Variants in SWAP70 observed in about 807,000 individuals in gnomAD.
The protein encoded by SWAP70 is switch-associated protein 70.
SWAP70 carries 34 observed loss-of-function variants against 80.2 expected under a neutral mutation model. That is an observed-to-expected ratio of 0.42 (90% confidence interval 0.32 to 0.56). The LOEUF is 0.56. SWAP70 is among the 20% of genes least tolerant of loss of function. SWAP70 has a pLI of 0.09. For synonymous variants in SWAP70, 239 were observed against 238.5 expected (o/e 1.00, Z -0.02); for missense variants, 578 against 690.7 (o/e 0.84, Z 1.83).
chr11:9,690,551 C>CA (rs1286285575), intron 1 of SWAP70, among the ~76,000 whole-genome samples: 2 of 151,998 alleles, frequency 1.3e-5, no homozygotes, highest in Non-Finnish European at 2.9e-5. Context: ...GCCTGGGTGA[C>CA]AGAGTGAGAC....
chr11:9,722,273 T>G (rs780069376), intron 3 of SWAP70, among the ~76,000 whole-genome samples: 14 of 152,222 alleles, frequency 9.2e-5, no homozygotes, highest in Non-Finnish European at 1.5e-4. Context: ...AAACATTAGT[T>G]GAGCTCTGAG....
intron 3 of SWAP70, among the ~76,000 whole-genome samples, chr11:9,717,985 C>T (rs1851087360): frequency 6.6e-6 from 1 of 152,218 alleles, no homozygotes; most frequent in Non-Finnish European, 1.5e-5. Context: ...GCCTAAGAAA[C>T]TCAAAAGATT....
chr11:9,713,181 A>T (rs774012050), intron 2 of SWAP70, among the ~76,000 whole-genome samples: 1 of 152,232 alleles, frequency 6.6e-6, no homozygotes, highest in African/African-American at 2.4e-5. Context: ...GTTTATTAAT[A>T]GGAAGATAGT....
chr11:9,691,855 A>G (rs985545398), intron 1 of SWAP70, among the ~76,000 whole-genome samples: 3 of 152,094 alleles, frequency 2.0e-5, no homozygotes, highest in African/African-American at 7.2e-5. Flanking sequence ...TGGGTATGGG[A>G]GAGATGGTGT....
intron 9 of SWAP70, among the ~76,000 whole-genome samples, chr11:9,744,240 G>C (rs1368077330): frequency 6.6e-6 from 1 of 152,290 alleles, no homozygotes; most frequent in Non-Finnish European, 1.5e-5. Context: ...GGGATTACAG[G>C]CTTGAGCCAC....
Position 9,738,007 on chromosome 11 carries a change from T to A in SWAP70, c.1081-206T>A, listed in dbSNP as rs146850022. ...ATGTTGTTCAGGCTTATCAATAGTCTTTCATTTACCTAATTTATTTTGTAT... is the reference window on the plus strand; with the variant it reads ...ATGTTGTTCAGGCTTATCAATAGTCATTCATTTACCTAATTTATTTTGTAT... On this transcript the variant is annotated intron_variant, in intron 7 of 11. Transcript: ENST00000318950. Among the ~76,000 whole-genome samples, 296 of 152,370 alleles carry A rather than the reference T, an allele frequency of 1.9e-3. 4 individuals are homozygous for A. The South Asian group carries it at 0.035, about 18-fold the overall frequency.
intron 2 of SWAP70, among the ~76,000 whole-genome samples, chr11:9,704,161 C>G (rs1214249266): frequency 6.6e-6 from 1 of 152,100 alleles, no homozygotes; most frequent in African/African-American, 2.4e-5. Flanking sequence ...ATTTTAATAA[C>G]AGACACAATT....
At chr11:9,732,449 C>A in intron 6 of SWAP70, 80 bp from the exon 7 acceptor site, 2 of 1,373,712 alleles carry the variant, frequency 1.5e-6, no homozygotes, top group Non-Finnish European at 2.0e-6. Context: ...ATTTTCTTCC[C>A]ACTGTGCCAT....
Position 9,751,758 on chromosome 11 carries a change from A to C in SWAP70, c.*1788A>C, listed in dbSNP as rs1228659772. ...ACTGGAAAATATTTGCCAATGAAGA[A>C]ATGGTCTGTAGGTATTTGTCTTAAG... On this transcript the variant is annotated 3_prime_UTR_variant, in exon 12 of 12. Coordinates refer to ENST00000318950, the MANE Select transcript of SWAP70 (RefSeq NM_015055.4). The C allele has an allele frequency of 7.7e-6, 1 of 129,684 alleles. No homozygotes were observed. The highest frequency in any genetic ancestry group is 1.7e-5 in the Non-Finnish European group (1 of 58,530). 8.0% of individuals were successfully genotyped at this position (129,684 alleles called of 1,614,324 possible).
At chr11:9,714,594 C>A (rs1405285790) in intron 3 of SWAP70, among the ~76,000 whole-genome samples, 12 of 152,232 alleles carry the variant, frequency 7.9e-5, no homozygotes, top group Non-Finnish European at 2.9e-5. Flanking sequence ...TTCAGAAAGG[C>A]TGTACCAAGG....
At position 9,728,038 on chromosome 11, in the gene SWAP70, T is replaced by G; in HGVS notation, c.643-15T>G. 1 of 1,579,922 alleles carries G rather than the reference T, an allele frequency of 6.3e-7. No homozygotes were observed. Among genetic ancestry groups the G allele is most frequent in the South Asian group, 1.2e-5 (1 of 86,002 alleles). On this transcript the variant is annotated splice_polypyrimidine_tract_variant and intron_variant, in intron 4 of 11. Transcript: ENST00000318950. ...TAAAAAGACAATAATTTATATCACA[T>G]TTAATCTTTCACAGGGTTACATGAT...
chr11:9,668,596 T>G (rs549745226), intron 1 of SWAP70, among the ~76,000 whole-genome samples: 28 of 152,352 alleles, frequency 1.8e-4, no homozygotes, highest in African/African-American at 6.7e-4. Flanking sequence ...ACAGTAACCT[T>G]CTGTAAGTCT....
intron 1 of SWAP70, among the ~76,000 whole-genome samples, chr11:9,671,766 A>AAT (rs1289855553): frequency 2.2e-3 from 6 of 2,726 alleles, no homozygotes; most frequent in African/African-American, 5.0e-3. Context: ...ATAAATATAT[A>AAT]ATATAAATAT....
intron 4 of SWAP70, among the ~76,000 whole-genome samples, chr11:9,726,262 G>A (rs768275710): frequency 2.6e-5 from 4 of 152,136 alleles, no homozygotes; most frequent in African/African-American, 4.8e-5. Context: ...GATGAAGCTC[G>A]ATGCTTGTTA....
At chr11:9,671,642 C>A (rs1302334608) in intron 1 of SWAP70, among the ~76,000 whole-genome samples, 154 of 17,142 alleles carry the variant, frequency 9.0e-3, no homozygotes, top group Middle Eastern at 0.062. Context: ...ATAAATATTT[C>A]TATATAAATA....
intron 1 of SWAP70, among the ~76,000 whole-genome samples, chr11:9,691,573 A>G (rs1488840159): frequency 1.3e-5 from 2 of 152,242 alleles, no homozygotes; most frequent in Non-Finnish European, 2.9e-5. Flanking sequence ...GGATCACTTA[A>G]TCAAACTAAG....
chr11:9,665,663 C>T (rs2134409042), intron 1 of SWAP70, among the ~76,000 whole-genome samples: 1 of 152,242 alleles, frequency 6.6e-6, no homozygotes, highest in South Asian at 2.1e-4. Context: ...TTCTTTTACC[C>T]AGCATAATGC....
At chr11:9,682,713 G>C (rs1850582796) in intron 1 of SWAP70, among the ~76,000 whole-genome samples, 1 of 151,888 alleles carries the variant, frequency 6.6e-6, no homozygotes, top group African/African-American at 2.4e-5. Context: ...GTCTTCGTCT[G>C]TTGCCCACGC....
At chr11:9,665,768 G>C (rs1850299906) in intron 1 of SWAP70, among the ~76,000 whole-genome samples, 2 of 152,190 alleles carry the variant, frequency 1.3e-5, no homozygotes. Flanking sequence ...TTTTAGCCAT[G>C]CATCTGTGAG....
Sources: allele counts gnomAD v4.1 joint callset (sites outside exome capture counted in the v4.1 genomes callset), GRCh38; gene constraint gnomAD v4.1.1; transcripts MANE v1.5; gene names NCBI Gene and HGNC (gene_info 2026-07-23, HGNC 2026-07-21).